SPSB4: variants seen among roughly 807,000 people sequenced by gnomAD.
SPSB4 encodes the protein splA/ryanodine receptor domain and SOCS box containing 4, also known as SPRY domain-containing SOCS box protein 4.
In SPSB4, 21 loss-of-function variants were observed where a neutral mutation model predicts 20.9. That is an observed-to-expected ratio of 1.01 (90% CI 0.71 to 1.45). SPSB4 has a LOEUF of 1.45. Ranked by LOEUF, SPSB4 falls within the 40% of genes most tolerant of loss-of-function variation. SPSB4 has a pLI of 0.00. For missense variants in SPSB4, 399 were observed against 399.2 expected (o/e 1.00, Z 0.00); for synonymous variants, 207 against 183.8 (o/e 1.13, Z -1.02).
At chr3:141,082,749 T>C (rs1194592271) in intron 2 of SPSB4, among the ~76,000 whole-genome samples, 1 of 152,210 alleles carries the variant, frequency 6.6e-6, no homozygotes, top group Non-Finnish European at 1.5e-5. Flanking sequence ...TGTGAACGGC[T>C]GAAAGGTTTC....
chr3:141,061,031 A>C (rs1937749747), intron 1 of SPSB4, among the ~76,000 whole-genome samples: 1 of 152,194 alleles, frequency 6.6e-6, no homozygotes, highest in African/African-American at 2.4e-5. Context: ...TTCTTTTACA[A>C]GTGCTTTCAG....
intron 2 of SPSB4, among the ~76,000 whole-genome samples, chr3:141,122,518 G>C (rs1044574179): frequency 6.6e-6 from 1 of 152,202 alleles, no homozygotes; most frequent in African/African-American, 2.4e-5. Context: ...GATATGCCCT[G>C]CCCACAGAGG....
chr3:141,137,306 T>G (rs1939245898), intron 2 of SPSB4, among the ~76,000 whole-genome samples: 2 of 152,204 alleles, frequency 1.3e-5, no homozygotes, highest in Admixed American at 6.5e-5. Flanking sequence ...TTTGACTTCC[T>G]CTTTTCCTAA....
chr3:141,105,648 A>G (rs1938675857), intron 2 of SPSB4, among the ~76,000 whole-genome samples: 1 of 152,222 alleles, frequency 6.6e-6, no homozygotes, highest in Non-Finnish European at 1.5e-5. Context: ...GCAGAGTTGA[A>G]TTTCAAAGCC....
intron 2 of SPSB4, among the ~76,000 whole-genome samples, chr3:141,101,687 G>A (rs1190499017): frequency 6.6e-6 from 1 of 152,206 alleles, no homozygotes; most frequent in African/African-American, 2.4e-5. Context: ...TATTACCTGT[G>A]TAATATTCCC....
chr3:141,063,949 C>T (rs756325007), intron 1 of SPSB4, among the ~76,000 whole-genome samples: 4 of 152,242 alleles, frequency 2.6e-5, no homozygotes, highest in Non-Finnish European at 5.9e-5. Context: ...TCAGAGCCCT[C>T]CTCTCACTCT....
intron 2 of SPSB4, among the ~76,000 whole-genome samples, chr3:141,128,352 T>TG (rs1213534193): frequency 6.6e-6 from 1 of 151,748 alleles, no homozygotes; most frequent in Non-Finnish European, 1.5e-5. Flanking sequence ...AGAGGGGCTG[T>TG]GGGGGGCCAG....
At chr3:141,077,408 C>T (rs1938138554) in intron 2 of SPSB4, 2 of 152,250 alleles carry the variant, frequency 1.3e-5, no homozygotes, top group South Asian at 4.1e-4. Flanking sequence ...CCCATGATCT[C>T]ACTGGTGAGC....
intron 2 of SPSB4, among the ~76,000 whole-genome samples, chr3:141,127,454 C>T (rs1043186002): frequency 2.6e-5 from 4 of 152,238 alleles, no homozygotes; most frequent in South Asian, 2.1e-4. Context: ...CCCACCTCCC[C>T]GAGGAAACCT....
intron 2 of SPSB4, among the ~76,000 whole-genome samples, chr3:141,133,705 A>C (rs1939172425): frequency 6.6e-6 from 1 of 151,994 alleles, no homozygotes; most frequent in African/African-American, 2.4e-5. Context: ...TTGTAGTATA[A>C]AGTTGGGTAA....
At chr3:141,089,513 A>T (rs545026450) in intron 2 of SPSB4, among the ~76,000 whole-genome samples, 1 of 152,312 alleles carries the variant, frequency 6.6e-6, no homozygotes, top group Admixed American at 6.5e-5. Context: ...CCTAGCAGGA[A>T]GGCAAGGCAG....
chr3:141,125,863 T>C (rs1446137020), intron 2 of SPSB4, among the ~76,000 whole-genome samples: 1 of 152,186 alleles, frequency 6.6e-6, no homozygotes, highest in Non-Finnish European at 1.5e-5. Context: ...ACTATAGAAA[T>C]ATCATTCTCC....
At chr3:141,076,380 A>G (rs1383842238) in intron 2 of SPSB4, among the ~76,000 whole-genome samples, 1 of 152,272 alleles carries the variant, frequency 6.6e-6, no homozygotes, top group Non-Finnish European at 1.5e-5. Context: ...TGCAGTGTAC[A>G]CGAGTAAATC....
chr3:141,112,951 T>C (rs1938826828), intron 2 of SPSB4, among the ~76,000 whole-genome samples: 1 of 152,194 alleles, frequency 6.6e-6, no homozygotes. Context: ...ATGAATTGTT[T>C]GACCATGTCT....
rs192311319 is a variant in SPSB4 at position 141,091,752 on chromosome 3, G to A, written c.694+24954G>A. On this transcript the variant is annotated intron_variant, in intron 2 of 2. Coordinates refer to ENST00000310546, the MANE Select transcript of SPSB4 (RefSeq NM_080862.3). ...CAGCAGTAATGTGGACGCTGACTTC[G>A]CTCAGGATAGCCCAATGGCACTGCC... Among the ~76,000 whole-genome samples, 548 of 152,332 alleles carry A rather than the reference G, an allele frequency of 3.6e-3. 5 individuals are homozygous for A. Among genetic ancestry groups the A allele is most frequent in the African/African-American group, 0.012 (516 of 41,578 alleles).
At chr3:141,079,010 C>T (rs1160163466) in intron 2 of SPSB4, among the ~76,000 whole-genome samples, 1 of 152,118 alleles carries the variant, frequency 6.6e-6, no homozygotes, top group Admixed American at 6.5e-5. Context: ...GCCTGTAATC[C>T]CAGCACTTTG....
chr3:141,139,567 A>AG (rs1231159696), intron 2 of SPSB4, among the ~76,000 whole-genome samples: 1 of 152,088 alleles, frequency 6.6e-6, no homozygotes, highest in Non-Finnish European at 1.5e-5. Context: ...CTTGTCTGTG[A>AG]AGTATTTTAT....
intron 1 of SPSB4, among the ~76,000 whole-genome samples, chr3:141,065,044 G>A (rs939259795): frequency 6.6e-6 from 1 of 152,144 alleles, no homozygotes; most frequent in South Asian, 2.1e-4. Context: ...TTATATTATG[G>A]TCTCTCAAGT....
chr3:141,108,742 C>T (rs1309261463), intron 2 of SPSB4, among the ~76,000 whole-genome samples: 2 of 152,186 alleles, frequency 1.3e-5, no homozygotes, highest in African/African-American at 4.8e-5. Flanking sequence ...GAGAGAATAT[C>T]AGGTGTTTGG....
Sources: gnomAD v4.1 joint callset for allele counts (sites outside exome capture counted in the v4.1 genomes callset) on GRCh38, gnomAD v4.1.1 for gene constraint, MANE v1.5 for transcripts, NCBI Gene and HGNC (gene_info 2026-07-23, HGNC 2026-07-21) for gene names.